Variants in PTPRN2 observed in about 807,000 individuals in gnomAD.
PTPRN2 encodes the protein receptor-type tyrosine-protein phosphatase N2.
In PTPRN2, 74 loss-of-function variants were observed where a neutral mutation model predicts 118.8. That is an observed-to-expected ratio of 0.62 (90% CI 0.52 to 0.76). The LOEUF is 0.76. Among genes scored for constraint, PTPRN2 ranks in the 30% least tolerant of loss-of-function variants. The pLI, the probability that PTPRN2 is intolerant of heterozygous loss-of-function variation, is 0.00. For missense variants in PTPRN2, 1,481 were observed against 1,394.4 expected (o/e 1.06, Z -0.99); for synonymous variants, 641 against 608.0 (o/e 1.05, Z -0.80).
intron 12 of PTPRN2, among the ~76,000 whole-genome samples, chr7:157,853,208 T>C (rs1809421355): frequency 6.6e-6 from 1 of 152,080 alleles, no homozygotes; most frequent in African/African-American, 2.4e-5. Context: ...CGAGGAGTCA[T>C]GTAGTCATGA....
chr7:157,547,950 G>A (rs375694371), intron 22 of PTPRN2, among the ~76,000 whole-genome samples: 10 of 151,418 alleles, frequency 6.6e-5, no homozygotes, highest in Admixed American at 4.6e-4. Context: ...CCCTGGGGGG[G>A]CGCGTAGGGC....
In PTPRN2 at chr7:157,580,232, A is replaced by G. The variant is rs111585595; in HGVS notation, c.2497-2092T>C. On this transcript the variant is annotated intron_variant, in intron 17 of 22. Coordinates refer to ENST00000389418, the MANE Select transcript of PTPRN2 (RefSeq NM_002847.5). ...AAGTTAACATTGGTTTGTGTCACAA[A>G]TCTTTGAGAAATCTAAAACTGTCTC... Among the ~76,000 whole-genome samples, 385 of 152,304 alleles carry G rather than the reference A, an allele frequency of 2.5e-3. 1 individual carries two copies. Among genetic ancestry groups the G allele is most frequent in the African/African-American group, 8.6e-3 (358 of 41,540 alleles).
chr7:158,411,106 C>T (rs1489691861), intron 2 of PTPRN2, among the ~76,000 whole-genome samples: 4 of 152,026 alleles, frequency 2.6e-5, no homozygotes, highest in Admixed American at 2.0e-4. Flanking sequence ...CTGCAGCTCC[C>T]GAGAGGAGGC....
chr7:157,914,592 T>C (rs535022112), intron 11 of PTPRN2, among the ~76,000 whole-genome samples: 2 of 150,396 alleles, frequency 1.3e-5, no homozygotes, highest in East Asian at 3.9e-4. Context: ...TGGCTCTCAA[T>C]GTAGCTACCT....
chr7:157,777,321 C>T (rs1803389729), intron 12 of PTPRN2, among the ~76,000 whole-genome samples: 1 of 148,752 alleles, frequency 6.7e-6, no homozygotes, highest in African/African-American at 2.5e-5. Flanking sequence ...CTGTGACTTC[C>T]TGATGCCAGA....
intron 2 of PTPRN2, among the ~76,000 whole-genome samples, chr7:158,328,006 C>T (rs1053104357): frequency 1.3e-5 from 2 of 152,230 alleles, no homozygotes; most frequent in African/African-American, 2.4e-5. Context: ...AGCTCAGAAT[C>T]ACTGCCCTGT....
chr7:158,151,526 C>CTGCCCCTCCCTGCCCACACCACCCGCCT (rs1821154499), intron 6 of PTPRN2, among the ~76,000 whole-genome samples: 1 of 151,710 alleles, frequency 6.6e-6, no homozygotes. Flanking sequence ...ACCGCACGTC[C>CTGCCCCTCCCTGCCCACACCACCCGCCT]TACTCCAGGC....
chr7:158,312,240 A>T (rs1427805176), intron 3 of PTPRN2, among the ~76,000 whole-genome samples: 9 of 108,794 alleles, frequency 8.3e-5, no homozygotes, highest in South Asian at 2.4e-4. Flanking sequence ...ACACACATGC[A>T]CACACACCTG....
intron 3 of PTPRN2, among the ~76,000 whole-genome samples, chr7:158,292,765 A>G (rs1800206603): frequency 6.6e-6 from 1 of 152,232 alleles, no homozygotes; most frequent in African/African-American, 2.4e-5. Context: ...CAGTAAAAAT[A>G]TGGTATAAAA....
At chr7:158,220,762 T>A (rs920082216) in intron 3 of PTPRN2, among the ~76,000 whole-genome samples, 1 of 151,840 alleles carries the variant, frequency 6.6e-6, no homozygotes. Flanking sequence ...GAATCAATAT[T>A]GTTAAAATGG....
intron 12 of PTPRN2, among the ~76,000 whole-genome samples, chr7:157,833,399 G>A (rs1375059872): frequency 9.6e-6 from 1 of 104,540 alleles, no homozygotes; most frequent in Non-Finnish European, 2.1e-5. Context: ...GTGACGTGGG[G>A]GGCGCCCATC....
intron 1 of PTPRN2, among the ~76,000 whole-genome samples, chr7:158,559,753 G>A (rs1295075020): frequency 6.6e-6 from 1 of 152,182 alleles, no homozygotes; most frequent in African/African-American, 2.4e-5. Flanking sequence ...GGGGTCCTTG[G>A]TCCCAGGGAC....
rs1202379578 is a variant in PTPRN2 at position 158,178,581 on chromosome 7, T to TTTTC, written c.550-11294_550-11291dup. On this transcript the variant is annotated intron_variant, in intron 5 of 22. Transcript: ENST00000389418. ...TTCCATGGTGTATATATATACTACA[T>TTTTC]TTTCTTTCTTTTTTTTTTTTTTTTT... 3.2e-3 allele frequency among the ~76,000 whole-genome samples: 393 copies of TTTTC among 121,136 alleles called. 37 individuals are homozygous for TTTTC. Among genetic ancestry groups the TTTTC allele is most frequent in the African/African-American group, 9.5e-3 (262 of 27,706 alleles). 79.5% of individuals were successfully genotyped at this position (121,136 alleles called of 152,430 possible). A position where few individuals can be genotyped will look rare whatever the true frequency, so the allele number is the denominator to read the frequency against.
intron 11 of PTPRN2, among the ~76,000 whole-genome samples, chr7:158,007,046 G>A (rs1307438395): frequency 1.3e-5 from 2 of 152,178 alleles, no homozygotes; most frequent in African/African-American, 2.4e-5. Context: ...CTGAGACTGC[G>A]CAGGCTGGCG....
intron 3 of PTPRN2, among the ~76,000 whole-genome samples, chr7:158,305,808 GAAAGAAAGAA>G (rs1393895796): frequency 3.5e-5 from 5 of 143,862 alleles, no homozygotes; most frequent in South Asian, 4.4e-4. Context: ...AAAAAAAAAA[GAAAGAAAGAA>G]AAAGAAAGAA....
At position 157,836,877 on chromosome 7, in the gene PTPRN2, C is replaced by T. The variant is rs563349975; in HGVS notation, c.1788+61796G>A. Among the ~76,000 whole-genome samples, 4 of 151,106 alleles carry T rather than the reference C, an allele frequency of 2.6e-5. No homozygotes were observed. The South Asian group carries it at 8.4e-4, about 32-fold the overall frequency. On this transcript the variant is annotated intron_variant, in intron 12 of 22. Coordinates refer to ENST00000389418, the MANE Select transcript of PTPRN2 (RefSeq NM_002847.5). ...ATCCATCCATCCATCCATCCCCCGA[C>T]CAAACCACCCACTTACTCATCCATC...
intron 2 of PTPRN2, among the ~76,000 whole-genome samples, chr7:158,358,747 T>C (rs1257295081): frequency 1.3e-5 from 2 of 152,124 alleles, no homozygotes; most frequent in African/African-American, 2.4e-5. Flanking sequence ...GGCCCCCAGA[T>C]GGTCAGGTTC....
intron 3 of PTPRN2, among the ~76,000 whole-genome samples, chr7:158,273,613 G>GGA (rs1798694334): frequency 1.9e-5 from 2 of 104,710 alleles, no homozygotes; most frequent in Non-Finnish European, 3.8e-5. Flanking sequence ...CGCAGACACG[G>GGA]GGAGCCGCAG....
chr7:158,106,591 G>T lies in PTPRN2; in HGVS notation c.1643+4238C>A, dbSNP rs574103354. Among the ~76,000 whole-genome samples, 64 of 152,316 alleles carry T rather than the reference G, an allele frequency of 4.2e-4. 1 individual carries two copies. The South Asian group carries it at 0.013, about 30-fold the overall frequency. On this transcript the variant is annotated intron_variant, in intron 10 of 22. Coordinates refer to ENST00000389418, the MANE Select transcript of PTPRN2 (RefSeq NM_002847.5). The stretch of plus-strand genomic sequence containing the variant: ...GAATATCCAAAACACTGATAAAGAG[G>T]ATGTCTCCAGGGGCTGATGAAATGA...
Sources: gnomAD v4.1 joint callset for allele counts (sites outside exome capture counted in the v4.1 genomes callset) on GRCh38, gnomAD v4.1.1 for gene constraint, MANE v1.5 for transcripts, NCBI Gene and HGNC (gene_info 2026-07-23, HGNC 2026-07-21) for gene names.